Variants in SLC6A17 observed in about 807,000 individuals in gnomAD.
SLC6A17 encodes the protein solute carrier family 6 member 17, also known as sodium-dependent neutral amino acid transporter SLC6A17.
A neutral mutation model predicts 64.5 loss-of-function variants in SLC6A17; 21 were observed. The observed-to-expected ratio is 0.33, with a 90% CI of 0.23 to 0.47. SLC6A17 has a LOEUF of 0.47. Among genes scored for constraint, SLC6A17 ranks in the 20% least tolerant of loss-of-function variants. The pLI is 1.00. For synonymous variants in SLC6A17, 372 were observed against 399.5 expected, an observed-to-expected ratio of 0.93 and a Z score of 0.82; for missense variants, 682 against 963.2, an observed-to-expected ratio of 0.71 and a Z score of 3.86.
chr1:110,197,824 G>C (rs944447718), intron 11 of SLC6A17, among the ~76,000 whole-genome samples: 1 of 152,238 alleles, frequency 6.6e-6, no homozygotes, highest in Non-Finnish European at 1.5e-5. Flanking sequence ...CACTTATCCA[G>C]TCTTTCTAAC....
chr1:110,162,343 C>T (rs1356848984), intron 1 of SLC6A17, among the ~76,000 whole-genome samples: 1 of 152,228 alleles, frequency 6.6e-6, no homozygotes, highest in African/African-American at 2.4e-5. Context: ...GCTTCTTGCT[C>T]ACACCCATAA....
At position 110,194,704 on chromosome 1, in the gene SLC6A17, C is replaced by A. The variant is rs200290904; in HGVS notation, c.1425C>A (p.Ile475=). Residue 475 remains isoleucine, a synonymous_variant, in exon 9 of 12, where the codon ATC becomes ATA. Transcript: ENST00000331565. ...MLINLGLGSM[I]GTMAGITTPI... ...TCAACCTGGGCCTGGGCAGCATGAT[C>A]GGGACCATGGCAGGCATCACCACGC... 4.3e-6 allele frequency: 7 copies of A among 1,614,178 alleles called. No homozygotes were observed. The highest frequency in any genetic ancestry group is 5.9e-6 in the Non-Finnish European group (7 of 1,180,044).
At chr1:110,164,454 A>T (rs1410415088) in intron 1 of SLC6A17, among the ~76,000 whole-genome samples, 2 of 152,186 alleles carry the variant, frequency 1.3e-5, no homozygotes, top group Non-Finnish European at 2.9e-5. Flanking sequence ...CTCAAGCTTT[A>T]ATTTCTGAGT....
chr1:110,194,620 G>C lies in SLC6A17; in HGVS notation c.1341G>C (p.Glu447Asp). 6.2e-7 allele frequency: 1 copy of C among 1,614,220 alleles called. No individual in the cohort carries two copies. Among genetic ancestry groups the C allele is most frequent in the Non-Finnish European group, 8.5e-7 (1 of 1,180,058 alleles). Residue 447 changes from glutamate (E) to aspartate (D), a missense_variant, in exon 9 of 12, where the codon GAG (glutamate) becomes GAC (aspartate). Glu to Asp is a conservative substitution (Grantham distance 45, BLOSUM62 2). Around this residue, in one of 3 missense-constraint regions of SLC6A17, gnomAD observed 415 missense variants for 603.8 expected, o/e 0.69. Transcript: ENST00000331565. ...GTGLAFIAFT[E>D]AMTHFPASPF... Reference sequence around the variant, plus strand: ...GCCTGGCCTTCATCGCCTTCACTGAGGCCATGACGCACTTCCCCGCCTCCC... The same window carrying C: ...GCCTGGCCTTCATCGCCTTCACTGACGCCATGACGCACTTCCCCGCCTCCC...
At chr1:110,164,368 A>C (rs576952890) in intron 1 of SLC6A17, among the ~76,000 whole-genome samples, 1 of 152,314 alleles carries the variant, frequency 6.6e-6, no homozygotes, top group East Asian at 1.9e-4. Flanking sequence ...GCTTTGGGCA[A>C]TTCAGTTCCT....
intron 1 of SLC6A17, among the ~76,000 whole-genome samples, chr1:110,152,025 G>A (rs973676915): frequency 6.6e-6 from 1 of 152,198 alleles, no homozygotes; most frequent in Non-Finnish European, 1.5e-5. Flanking sequence ...CAAAACTTTA[G>A]TTAGCGCCTA....
At chr1:110,170,405 AC>A (rs1656188736) in intron 2 of SLC6A17, among the ~76,000 whole-genome samples, 2 of 152,092 alleles carry the variant, frequency 1.3e-5, no homozygotes, top group Admixed American at 6.5e-5. Context: ...AATGGTGTGA[AC>A]CCGGGAGGCA....
rs1171886403 is a variant in SLC6A17 at position 110,202,190 on chromosome 1, T to C, written c.*3746T>C. On this transcript the variant is annotated 3_prime_UTR_variant, in exon 12 of 12. Coordinates refer to ENST00000331565, the MANE Select transcript of SLC6A17 (RefSeq NM_001010898.4). ...CCACCATAGTGTGCAATAAAGTGTCTGTTCTTACCAAACCCTTCTTGCCTT... is the reference window on the plus strand; with the variant it reads ...CCACCATAGTGTGCAATAAAGTGTCCGTTCTTACCAAACCCTTCTTGCCTT... The C allele has an allele frequency of 1.3e-5, 2 of 152,228 alleles. No homozygotes were observed. The highest frequency in any genetic ancestry group is 1.9e-4 in the East Asian group (1 of 5,186). The allele number at this position is 152,228 out of a possible 1,614,324, so 9.4% of individuals were successfully genotyped here.
At chr1:110,161,305 G>A (rs1443621189) in intron 1 of SLC6A17, among the ~76,000 whole-genome samples, 1 of 152,208 alleles carries the variant, frequency 6.6e-6, no homozygotes, top group Non-Finnish European at 1.5e-5. Context: ...AAGCTGCCAA[G>A]CATCCTCTGA....
In SLC6A17 at chr1:110,170,280, C is replaced by G. The variant is rs533929188; in HGVS notation, c.287-1780C>G. On this transcript the variant is annotated intron_variant, in intron 2 of 11. Transcript: ENST00000331565. ...CGGGCGGATCACGAGGTCAGGAGAT[C>G]GAGACCATCCTGGCTAACATGGTGA... Among the ~76,000 whole-genome samples, 3 of 152,132 alleles carry G rather than the reference C, an allele frequency of 2.0e-5. No individual in the cohort carries two copies. In the East Asian group the frequency reaches 5.8e-4, roughly 30 times the overall value.
intron 1 of SLC6A17, among the ~76,000 whole-genome samples, chr1:110,159,409 TG>T (rs1655842254): frequency 6.6e-6 from 1 of 152,202 alleles, no homozygotes. Flanking sequence ...CCTCCCCCTC[TG>T]GACCATCTGC....
Position 110,182,337 on chromosome 1 carries a change from A to C in SLC6A17, c.864+5598A>C, listed in dbSNP as rs544302965. On this transcript the variant is annotated intron_variant, in intron 6 of 11. Transcript: ENST00000331565. ...GGAGGGAACAGATTTGGTGGGGAAC[A>C]TCAAGAGTACTCTTTTGGACATGGC... Among the ~76,000 whole-genome samples the C allele has an allele frequency of 3.3e-4, 50 of 152,300 alleles. 1 individual carries two copies. The highest frequency in any genetic ancestry group is 1.2e-3 in the African/African-American group (49 of 41,550).
At chr1:110,182,551 C>A (rs1010353762) in intron 6 of SLC6A17, among the ~76,000 whole-genome samples, 5 of 151,758 alleles carry the variant, frequency 3.3e-5, no homozygotes, top group African/African-American at 9.7e-5. Flanking sequence ...AGCACTGGGG[C>A]CCTGGTGTTT....
chr1:110,186,268 G>T (rs1656681940), intron 6 of SLC6A17, among the ~76,000 whole-genome samples: 2 of 152,034 alleles, frequency 1.3e-5, no homozygotes, highest in African/African-American at 4.8e-5. Flanking sequence ...CTCCATTTAT[G>T]AAATTTGACC....
chr1:110,177,390 C>T (rs1395921686), intron 6 of SLC6A17, among the ~76,000 whole-genome samples: 1 of 152,198 alleles, frequency 6.6e-6, no homozygotes, highest in African/African-American at 2.4e-5. Context: ...ACAAAGGGTG[C>T]AGCAGAGGCA....
At chr1:110,197,318 A>G (rs1306495898) in intron 10 of SLC6A17, 119 bp from the exon 11 acceptor site, 3 of 1,334,464 alleles carry the variant, frequency 2.2e-6, no homozygotes, top group East Asian at 2.3e-5. Flanking sequence ...TGTGAAGAAT[A>G]GAAGAGCCCA....
At chr1:110,176,355 G>A (rs1010414615) in intron 5 of SLC6A17, among the ~76,000 whole-genome samples, 13 of 152,092 alleles carry the variant, frequency 8.5e-5, no homozygotes, top group Non-Finnish European at 1.9e-4. Flanking sequence ...GCAGCCCTCT[G>A]GGGTGAGGAG....
chr1:110,192,324 C>A lies in SLC6A17; in HGVS notation c.1106+111C>A. The A allele has an allele frequency of 6.7e-7, 1 of 1,503,452 alleles. No individual in the cohort carries two copies. The highest frequency in any genetic ancestry group is 9.0e-7 in the Non-Finnish European group (1 of 1,109,916). 93.1% of individuals were successfully genotyped at this position (1,503,452 alleles called of 1,614,324 possible). Reference sequence around the variant, plus strand: ...GGGAGAGAGGTCCCCTCCACTCAGACTGAGGAATGGAGATCAGAGGAGCAC... The same window carrying A: ...GGGAGAGAGGTCCCCTCCACTCAGAATGAGGAATGGAGATCAGAGGAGCAC... On this transcript the variant is annotated intron_variant, in intron 7 of 11. Transcript: ENST00000331565. This position sits in a 1 kb window ranked among gnomAD's most constrained non-coding sequence, Gnocchi z 4.3.
In SLC6A17 at chr1:110,174,820, T is replaced by G. The variant is rs767666097; in HGVS notation, c.613T>G (p.Phe205Val). The G allele has an allele frequency of 1.2e-6, 2 of 1,614,190 alleles. No individual in the cohort carries two copies. The highest frequency in any genetic ancestry group is 1.7e-6 in the Non-Finnish European group (2 of 1,180,032). The change falls in exon 5 of 12, where the codon TTC becomes GTC. Residue 205 changes from phenylalanine to valine, a missense_variant. This residue lies in a region of SLC6A17 where 415 missense variants were observed against 603.8 expected (regional missense o/e 0.69). Coordinates refer to ENST00000331565, the MANE Select transcript of SLC6A17 (RefSeq NM_001010898.4). ...TGAAAAGAGCTCAGCCACTACCTAC[T>G]TCTGGTACCGAGAGGCCTTGGACAT... is the stretch of plus-strand genomic sequence containing the variant. ...ECEKSSATTY[F>V]WYREALDISD...
Sources: allele counts gnomAD v4.1 joint callset (sites outside exome capture counted in the v4.1 genomes callset), GRCh38; gene constraint gnomAD v4.1.1; regional missense constraint gnomAD v4.1.1; non-coding constraint Gnocchi (gnomAD v3.1); transcripts MANE v1.5; gene names NCBI Gene and HGNC (gene_info 2026-07-23, HGNC 2026-07-21).